MAU2: variants seen among roughly 807,000 people sequenced by gnomAD.
MAU2 encodes MAU2 sister chromatid cohesion factor.
In MAU2, 9 loss-of-function variants were observed where a neutral mutation model predicts 89.1. The observed-to-expected ratio is 0.10, with a 90% confidence interval of 0.06 to 0.18. The LOEUF is 0.18. Ranked by LOEUF, MAU2 falls within the 10% of genes least tolerant of loss-of-function variation. The pLI is 1.00. For synonymous variants in MAU2, 357 were observed against 343.4 expected (o/e 1.04, Z -0.44); for missense variants, 425 against 803.5 (o/e 0.53, Z 5.69).
At chr19:19,331,534 A>G (rs1881169424) in intron 1 of MAU2, among the ~76,000 whole-genome samples, 1 of 152,086 alleles carries the variant, frequency 6.6e-6, no homozygotes, top group Admixed American at 6.6e-5. Flanking sequence ...TGAGGTAGCA[A>G]CCTTGGGTAA....
intron 6 of MAU2, 147 bp downstream of exon 6, chr19:19,341,020 G>A: frequency 8.7e-7 from 1 of 1,147,420 alleles, no homozygotes; most frequent in South Asian, 1.5e-5. Context: ...AGCCTGGAAT[G>A]TGAGGCCCGG....
At position 19,355,338 on chromosome 19, in the gene MAU2, C is replaced by T. The variant is rs1476809890; in HGVS notation, c.1714C>T (p.Leu572=). 5.6e-6 allele frequency: 9 copies of T among 1,613,998 alleles called. No individual in the cohort carries two copies. The highest frequency in any genetic ancestry group is 7.6e-6 in the Non-Finnish European group (9 of 1,180,008). The part of the protein sequence containing the change: ...AQMHQNFSQQ[L]LQDHIEACSL... Reference sequence around the variant, plus strand: ...GATGCACCAGAACTTCTCGCAGCAGCTGCTCCAGGACCACATTGAGGCCTG... The same window carrying T: ...GATGCACCAGAACTTCTCGCAGCAGTTGCTCCAGGACCACATTGAGGCCTG... Residue 572 remains leucine, a synonymous_variant, in exon 18 of 19, where the codon CTG becomes TTG. Transcript: ENST00000262815.
chr19:19,338,820 G>C, intron 4 of MAU2, 25 bp from the exon 5 acceptor site: 1 of 1,580,860 alleles, frequency 6.3e-7, no homozygotes, highest in South Asian at 1.1e-5. Flanking sequence ...TGGCAGCAAA[G>C]GTCACTGCTC....
At chr19:19,349,975 A>ATTTTT (rs34536394) in intron 16 of MAU2, among the ~76,000 whole-genome samples, 2 of 111,258 alleles carry the variant, frequency 1.8e-5, no homozygotes, top group Non-Finnish European at 3.6e-5. Flanking sequence ...GAGGTCTTGA[A>ATTTTT]TTTTTTTTTT....
intron 17 of MAU2, 176 bp downstream of exon 17, chr19:19,354,621 G>A (rs2048156610): frequency 1.6e-6 from 1 of 621,326 alleles, no homozygotes; most frequent in Admixed American, 2.5e-5. Context: ...GGCAGTGGGT[G>A]CATTTGTGGC....
At position 19,345,481 on chromosome 19, in the gene MAU2, C is replaced by G. The variant is rs2061685872; in HGVS notation, c.1221+112C>G. ...GCGCTAGGTCAGCTATGCAAAGCCG[C>G]AGCCCCAGAGGCAATGCACAGTAGT... is the stretch of plus-strand genomic sequence containing the variant. On this transcript the variant is annotated intron_variant, in intron 12 of 18. Transcript: ENST00000262815. The surrounding 1 kb of genome is among the most constrained non-coding windows in gnomAD (Gnocchi z 4.9). 1 of 1,037,192 alleles carries G rather than the reference C, an allele frequency of 9.6e-7. No homozygotes were observed. The highest frequency in any genetic ancestry group is 1.6e-5 in the African/African-American group (1 of 64,174). 64.2% of individuals were successfully genotyped at this position (1,037,192 alleles called of 1,614,324 possible).
chr19:19,341,017 A>G, intron 6 of MAU2, 144 bp downstream of exon 6: 1 of 1,165,988 alleles, frequency 8.6e-7, no homozygotes, highest in Non-Finnish European at 1.2e-6. Flanking sequence ...AGCAGCCTGG[A>G]ATGTGAGGCC....
chr19:19,338,643 A>T (rs2061615787), intron 4 of MAU2, among the ~76,000 whole-genome samples: 2 of 152,266 alleles, frequency 1.3e-5, no homozygotes, highest in Non-Finnish European at 2.9e-5. Flanking sequence ...TTTAGATGAC[A>T]TATATACTAC....
At chr19:19,323,715 C>G (rs1283542129) in intron 1 of MAU2, among the ~76,000 whole-genome samples, 1 of 151,608 alleles carries the variant, frequency 6.6e-6, no homozygotes, top group Non-Finnish European at 1.5e-5. Context: ...AACTCCTGAG[C>G]TCAAGCCATC....
chr19:19,348,701 G>A, intron 13 of MAU2, 188 bp from the exon 14 acceptor site: 1 of 690,128 alleles, frequency 1.4e-6, no homozygotes, highest in South Asian at 1.6e-5. Context: ...AGGGCTGGCT[G>A]AGGGTGTGGA....
intron 4 of MAU2, 102 bp downstream of exon 4, chr19:19,337,367 C>G (rs754104414): frequency 1.8e-5 from 16 of 888,794 alleles, no homozygotes; most frequent in Non-Finnish European, 2.9e-5. Flanking sequence ...GATGCGCAGA[C>G]CCCCTCGGGC....
intron 1 of MAU2, among the ~76,000 whole-genome samples, chr19:19,327,316 T>G (rs2061518773): frequency 3.5e-5 from 1 of 28,712 alleles, no homozygotes; most frequent in African/African-American, 6.6e-5. Context: ...TATTTATTTA[T>G]TTATTTATTT....
At position 19,349,215 on chromosome 19, in the gene MAU2, A is replaced by G. The variant is rs1363855342; in HGVS notation, c.1419A>G (p.Gly473=). Residue 473 remains glycine (G), a synonymous_variant, in exon 15 of 19, where the codon GGA becomes GGG. Coordinates refer to ENST00000262815, the MANE Select transcript of MAU2 (RefSeq NM_015329.4). ...YVRGLFSFFQ[G]RYNEAKRFLR... ...GTGGGCTCTTCTCCTTCTTCCAGGG[A>G]CGCTACAACGAGGCCAAGTAAGTGT... 1 of 1,614,132 alleles carries G rather than the reference A, an allele frequency of 6.2e-7. No individual in the cohort carries two copies. The highest frequency in any genetic ancestry group is 1.1e-5 in the South Asian group (1 of 91,082).
intron 7 of MAU2, among the ~76,000 whole-genome samples, chr19:19,341,635 CTA>C (rs1182405621): frequency 6.6e-6 from 1 of 152,236 alleles, no homozygotes; most frequent in East Asian, 1.9e-4. Context: ...TTTGGGAGTA[CTA>C]TGTGTGACAT....
At chr19:19,326,856 C>T (rs1416700856) in intron 1 of MAU2, among the ~76,000 whole-genome samples, 1 of 150,120 alleles carries the variant, frequency 6.7e-6, no homozygotes, top group Non-Finnish European at 1.5e-5. Flanking sequence ...CGTGCCACTG[C>T]ACTCCACCCT....
intron 1 of MAU2, among the ~76,000 whole-genome samples, chr19:19,328,275 T>G (rs2061527591): frequency 1.3e-5 from 2 of 152,140 alleles, no homozygotes; most frequent in Non-Finnish European, 2.9e-5. Context: ...CCCATCCCTG[T>G]AAGTTTTCAT....
intron 7 of MAU2, 149 bp downstream of exon 7, chr19:19,341,556 A>G (rs1599911706): frequency 2.1e-6 from 2 of 973,136 alleles, no homozygotes; most frequent in African/African-American, 3.3e-5. Flanking sequence ...GGACACACAC[A>G]CTCCTGTCCT....
In MAU2 at chr19:19,349,239, G is replaced by A. The variant is rs777348519; in HGVS notation, c.1436+7G>A. On this transcript the variant is annotated splice_region_variant and intron_variant, in intron 15 of 18. Coordinates refer to ENST00000262815, the MANE Select transcript of MAU2 (RefSeq NM_015329.4). ...GACGCTACAACGAGGCCAAGTAAGT[G>A]TGGGGCAGAGGGTGGCGTGAGGGCC... 1 of 1,614,178 alleles carries A rather than the reference G, an allele frequency of 6.2e-7. No individual in the cohort carries two copies. The highest frequency in any genetic ancestry group is 2.2e-5 in the East Asian group (1 of 44,884).
Position 19,335,545 on chromosome 19 carries a change from C to CT in MAU2, c.277-172dup, listed in dbSNP as rs1379796314. Among the ~76,000 whole-genome samples, 3 of 152,282 alleles carry CT rather than the reference C, an allele frequency of 2.0e-5. No individual in the cohort carries two copies. In the East Asian group the frequency reaches 5.8e-4, roughly 30 times the overall value. Reference sequence around the variant, plus strand: ...GGCTCTATAGCTTCCATTCCCCTGGCTGGATTGGAGGGGAGTAAGCCTACC... The same window carrying CT: ...GGCTCTATAGCTTCCATTCCCCTGGCTTGGATTGGAGGGGAGTAAGCCTACC... On this transcript the variant is annotated intron_variant, in intron 1 of 18. Coordinates refer to ENST00000262815, the MANE Select transcript of MAU2 (RefSeq NM_015329.4).
Sources: allele counts gnomAD v4.1 joint callset (sites outside exome capture counted in the v4.1 genomes callset), GRCh38; gene constraint gnomAD v4.1.1; non-coding constraint Gnocchi (gnomAD v3.1); transcripts MANE v1.5; gene names NCBI Gene and HGNC (gene_info 2026-07-23, HGNC 2026-07-21).